The following KIF26B variants were observed in gnomAD, a reference collection of about 807,000 sequenced individuals.
KIF26B encodes kinesin family member 26B, also known as kinesin-like protein KIF26B.
Under a neutral mutation model 151.2 loss-of-function variants are expected in KIF26B, and 63 were observed. The ratio of observed to expected loss-of-function variants is 0.42; its 90% CI spans 0.34 to 0.51. The LOEUF (loss-of-function observed/expected upper bound fraction) is 0.51. KIF26B is among the 20% of genes least tolerant of loss of function. The pLI, the probability that KIF26B is intolerant of heterozygous loss-of-function variation, is 0.07. For missense variants in KIF26B, 2,813 were observed against 2,913.6 expected (o/e 0.97, Z 0.79); for synonymous variants, 1,357 against 1,262.1 (o/e 1.08, Z -1.59).
At position 245,313,135 on chromosome 1, in the gene KIF26B, G is replaced by C. The variant is rs182474388; in HGVS notation, c.466-53699G>C. On this transcript the variant is annotated intron_variant, in intron 2 of 14. Coordinates refer to ENST00000407071, the MANE Select transcript of KIF26B (RefSeq NM_018012.4). ...GATCATGACACTGCACTTCAGCCTC[G>C]GCGACAGAGTGAGACTCCATCTCAA... is the stretch of plus-strand genomic sequence containing the variant. Among the ~76,000 whole-genome samples the C allele has an allele frequency of 4.4e-3, 664 of 152,220 alleles. 5 individuals are homozygous for C. Among genetic ancestry groups the C allele is most frequent in the Non-Finnish European group, 6.4e-3 (434 of 68,010 alleles).
chr1:245,236,278 A>T (rs1435297460), intron 2 of KIF26B, among the ~76,000 whole-genome samples: 1 of 152,152 alleles, frequency 6.6e-6, no homozygotes, highest in African/African-American at 2.4e-5. Context: ...TTAAGCATGT[A>T]AGTGCCAAGT....
intron 3 of KIF26B, among the ~76,000 whole-genome samples, chr1:245,383,007 A>G (rs1277591957): frequency 6.9e-6 from 1 of 144,180 alleles, no homozygotes; most frequent in Admixed American, 6.9e-5. Context: ...TTTTATATAT[A>G]TACACACACA....
intron 4 of KIF26B, among the ~76,000 whole-genome samples, chr1:245,522,537 C>G (rs1452584936): frequency 2.0e-5 from 3 of 152,192 alleles, no homozygotes. Context: ...ACTGCAGACA[C>G]ATGGTTGACA....
intron 4 of KIF26B, among the ~76,000 whole-genome samples, chr1:245,491,568 G>A (rs1374623322): frequency 6.6e-6 from 1 of 152,148 alleles, no homozygotes; most frequent in Admixed American, 6.6e-5. Flanking sequence ...AGCTCCTTAT[G>A]GAGGAGAGAA....
chr1:245,688,291 G>C lies in KIF26B; in HGVS notation c.5308G>C (p.Gly1770Arg). ...GTCCCTGCCGCAGGCGGTGGGCCAG[G>C]GCTCCAGCTCGCCCCCCGGTGGGAA... ...TKSLPQAVGQ[G>R]SSSPPGGKHT... is the part of the protein sequence containing the mutation. Residue 1770 changes from glycine to arginine, a missense_variant, in exon 12 of 15, where the codon GGC becomes CGC. Physicochemically the swap from Gly to Arg is moderately radical, Grantham distance 125. Transcript: ENST00000407071. 3.8e-6 allele frequency: 6 copies of C among 1,596,490 alleles called. No individual in the cohort carries two copies. Among genetic ancestry groups the C allele is most frequent in the Non-Finnish European group, 5.1e-6 (6 of 1,178,326 alleles).
rs139164445 is a variant in KIF26B at position 245,687,654 on chromosome 1, C to T, written c.4671C>T (p.Cys1557=). Residue 1557 remains cysteine (C), a synonymous_variant, in exon 12 of 15, where the codon TGC becomes TGT. Coordinates refer to ENST00000407071, the MANE Select transcript of KIF26B (RefSeq NM_018012.4). This position sits in a 1 kb window ranked among gnomAD's most constrained non-coding sequence, Gnocchi z 4.9. ...AGCCGGACAGCCTCTCCTATTACTG[C>T]GCTGCTGAGACCAACGGGGTGGGTG... ...QEEPDSLSYY[C]AAETNGVGAA... is the part of the protein sequence containing the mutation. 2,383 of 1,573,640 alleles carry T rather than the reference C, an allele frequency of 1.5e-3. 37 individuals are homozygous for T. In the African/African-American group the frequency reaches 0.028, roughly 19 times the overall value.
At chr1:245,456,174 T>G (rs906896424) in intron 4 of KIF26B, among the ~76,000 whole-genome samples, 1 of 151,988 alleles carries the variant, frequency 6.6e-6, no homozygotes, top group Non-Finnish European at 1.5e-5. Context: ...TCTTGAACAT[T>G]TACCTGTGTC....
chr1:245,375,901 G>A lies in KIF26B; in HGVS notation c.999+8534G>A, dbSNP rs930621841. Among the ~76,000 whole-genome samples, 2 of 152,164 alleles carry A rather than the reference G, an allele frequency of 1.3e-5. No homozygotes were observed. Among genetic ancestry groups the A allele is most frequent in the Non-Finnish European group, 2.9e-5 (2 of 68,032 alleles). On this transcript the variant is annotated intron_variant, in intron 3 of 14. Coordinates refer to ENST00000407071, the MANE Select transcript of KIF26B (RefSeq NM_018012.4). This position sits in a 1 kb window ranked among gnomAD's most constrained non-coding sequence, Gnocchi z 4.2. ...ACAAGTCAGATTCTTTCATCTGGGTGCCACCACAGAATGAGAGGTTACTCA... is the reference window on the plus strand; with the variant it reads ...ACAAGTCAGATTCTTTCATCTGGGTACCACCACAGAATGAGAGGTTACTCA...
intron 4 of KIF26B, among the ~76,000 whole-genome samples, chr1:245,433,128 A>T (rs915732558): frequency 6.6e-6 from 1 of 152,210 alleles, no homozygotes; most frequent in Non-Finnish European, 1.5e-5. Context: ...ACCATGCTTG[A>T]AAACTTAGAT....
At chr1:245,390,178 T>TTTTG (rs1056874381) in intron 3 of KIF26B, among the ~76,000 whole-genome samples, 2 of 151,268 alleles carry the variant, frequency 1.3e-5, no homozygotes, top group African/African-American at 4.9e-5. Context: ...TTGGAGGGTT[T>TTTTG]TTTTTTTTTT....
chr1:245,699,160 T>C (rs1352991059), intron 14 of KIF26B, 123 bp downstream of exon 14: 2 of 1,037,140 alleles, frequency 1.9e-6, no homozygotes, highest in African/African-American at 3.2e-5. Context: ...AGGATGCCCA[T>C]CAAATGGAGG....
chr1:245,481,098 T>C lies in KIF26B; in HGVS notation c.1167-59669T>C, dbSNP rs1180860301. ...CGTGCGTTGTGCGTGCATTTTCCTA[T>C]TTAAAATGCCACCTATAAGTGCCAT... On this transcript the variant is annotated intron_variant, in intron 4 of 14. Transcript: ENST00000407071. 1.3e-5 allele frequency among the ~76,000 whole-genome samples: 2 copies of C among 151,910 alleles called. 1 individual carries two copies. The highest frequency in any genetic ancestry group is 2.9e-5 in the Non-Finnish European group (2 of 67,880).
Position 245,155,410 on chromosome 1 carries a change from T to C in KIF26B, c.-15T>C. ...TCGGTGGAACCTTTAGATACTCTCC[T>C]CTGGAAAAGCCACCATGAATTCGGT... On this transcript the variant is annotated 5_prime_UTR_variant, in exon 1 of 15. Coordinates refer to ENST00000407071, the MANE Select transcript of KIF26B (RefSeq NM_018012.4). 6.2e-7 allele frequency: 1 copy of C among 1,605,946 alleles called. No individual in the cohort carries two copies. The highest frequency in any genetic ancestry group is 1.3e-5 in the African/African-American group (1 of 74,880).
chr1:245,364,901 T>C (rs1672907824), intron 2 of KIF26B, among the ~76,000 whole-genome samples: 2 of 152,212 alleles, frequency 1.3e-5, no homozygotes, highest in Non-Finnish European at 2.9e-5. Context: ...TTGCATATAC[T>C]GGGGCCCAAA....
chr1:245,473,016 C>T, intron 4 of KIF26B, among the ~76,000 whole-genome samples: 1 of 152,214 alleles, frequency 6.6e-6, no homozygotes, highest in East Asian at 1.9e-4. Context: ...GTGTGTTGTT[C>T]ACTTAGGACT....
intron 2 of KIF26B, among the ~76,000 whole-genome samples, chr1:245,208,644 C>G (rs552080189): frequency 3.9e-5 from 6 of 152,194 alleles, no homozygotes; most frequent in African/African-American, 1.4e-4. Context: ...TTTGCCTTTC[C>G]TTTGCTTCTT....
intron 2 of KIF26B, among the ~76,000 whole-genome samples, chr1:245,165,488 C>T (rs1375122177): frequency 6.6e-6 from 1 of 152,176 alleles, no homozygotes; most frequent in Non-Finnish European, 1.5e-5. Flanking sequence ...CCTGTTGGCG[C>T]TCTAGAGCGG....
At chr1:245,176,165 A>C (rs1307850164) in intron 2 of KIF26B, among the ~76,000 whole-genome samples, 2 of 151,590 alleles carry the variant, frequency 1.3e-5, no homozygotes, top group African/African-American at 4.8e-5. Flanking sequence ...ACGCCCAGCT[A>C]ATTTTGTATT....
chr1:245,445,516 G>A (rs953313243), intron 4 of KIF26B, among the ~76,000 whole-genome samples: 1 of 152,152 alleles, frequency 6.6e-6, no homozygotes, highest in Non-Finnish European at 1.5e-5. Flanking sequence ...GTGCGCACGT[G>A]GGGGGGATAC....
Sources: gnomAD v4.1 joint callset for allele counts (sites outside exome capture counted in the v4.1 genomes callset) on GRCh38, gnomAD v4.1.1 for gene constraint, Gnocchi (gnomAD v3.1) non-coding constraint, MANE v1.5 for transcripts, NCBI Gene and HGNC (gene_info 2026-07-23, HGNC 2026-07-21) for gene names.